HMGCLL1: variants seen among roughly 807,000 people sequenced by gnomAD.
HMGCLL1 encodes 3-hydroxymethyl-3-methylglutaryl-CoA lyase, cytoplasmic.
A neutral mutation model predicts 39.1 loss-of-function variants in HMGCLL1; 36 were observed. That is an observed-to-expected ratio of 0.92 (90% CI 0.71 to 1.22). The LOEUF (loss-of-function observed/expected upper bound fraction) is 1.22, where lower values mean the gene tolerates loss of function less well. HMGCLL1 is among the 50% of genes most tolerant of loss of function. The pLI is 0.00. For synonymous variants in HMGCLL1, 149 were observed against 144.0 expected (o/e 1.03, Z -0.25); for missense variants, 451 against 416.5 (o/e 1.08, Z -0.72).
the HMGCLL1 span, among the ~76,000 whole-genome samples, chr6:55,629,229 A>G: frequency 1.3e-4 from 20 of 152,194 alleles, no homozygotes; most frequent in Non-Finnish European, 2.8e-4. Context: ...GATGGAGATA[A>G]GAAACTTGTT....
chr6:55,662,874 A>G, the HMGCLL1 span, among the ~76,000 whole-genome samples: 2 of 151,638 alleles, frequency 1.3e-5, no homozygotes, highest in Non-Finnish European at 2.9e-5. Context: ...AGAGCTAATT[A>G]TTGCTCTATT....
At chr6:55,620,620 G>A in the HMGCLL1 span, among the ~76,000 whole-genome samples, 1 of 148,234 alleles carries the variant, frequency 6.7e-6, no homozygotes, top group Admixed American at 6.8e-5. Flanking sequence ...TGTGCTTTTG[G>A]GGTGTTACAC....
chr6:55,629,771 C>A, the HMGCLL1 span, among the ~76,000 whole-genome samples: 2 of 152,148 alleles, frequency 1.3e-5, no homozygotes, highest in Admixed American at 1.3e-4. Context: ...CAGGCCATGT[C>A]TTCAGAGGAT....
At chr6:55,644,706 G>T in the HMGCLL1 span, among the ~76,000 whole-genome samples, 1 of 152,106 alleles carries the variant, frequency 6.6e-6, no homozygotes, top group South Asian at 2.1e-4. Flanking sequence ...TGAGTTCACT[G>T]TAGCTTTGTG....
chr6:55,527,918 A>G (rs1015529862), intron 3 of HMGCLL1, among the ~76,000 whole-genome samples: 2 of 152,030 alleles, frequency 1.3e-5, no homozygotes, highest in Admixed American at 1.3e-4. Context: ...TTATTGGTAC[A>G]TCCATAAGAT....
rs1769436178 is a variant in HMGCLL1 at position 55,541,595 on chromosome 6, C to T, written c.297+134G>A. The T allele has an allele frequency of 5.4e-6, 3 of 558,656 alleles. No individual in the cohort carries two copies. In the East Asian group the frequency reaches 9.2e-5, roughly 17 times the overall value. 34.6% of individuals were successfully genotyped at this position (558,656 alleles called of 1,614,324 possible). A position where few individuals can be genotyped will look rare whatever the true frequency, so the allele number is the denominator to read the frequency against. On this transcript the variant is annotated intron_variant, in intron 3 of 8. Coordinates refer to ENST00000274901, the MANE Select transcript of HMGCLL1 (RefSeq NM_001042406.2). The stretch of plus-strand genomic sequence containing the variant: ...TCAAAGGGTTTTTATTTAATCATAT[C>T]ACAGTCCACAGGTTAATATTTTGAA...
chr6:55,578,803 GC>G (rs1771886630), intron 1 of HMGCLL1, 144 bp downstream of exon 1: 1 of 653,796 alleles, frequency 1.5e-6, no homozygotes. Context: ...AAGGGGTGCG[GC>G]CTAACACGAC....
upstream of HMGCLL1, among the ~76,000 whole-genome samples, chr6:55,582,469 C>CT (rs1164720040): frequency 6.6e-6 from 1 of 152,082 alleles, no homozygotes; most frequent in African/African-American, 2.4e-5. Flanking sequence ...CCCATAACCT[C>CT]TGGGGGTGGG....
At chr6:55,630,093 C>A in the HMGCLL1 span, among the ~76,000 whole-genome samples, 7 of 152,124 alleles carry the variant, frequency 4.6e-5, no homozygotes, top group African/African-American at 1.7e-4. Context: ...CACCATGCAC[C>A]TGGAAAAGCT....
At chr6:55,621,399 A>G in the HMGCLL1 span, among the ~76,000 whole-genome samples, 1 of 152,018 alleles carries the variant, frequency 6.6e-6, no homozygotes, top group Non-Finnish European at 1.5e-5. Flanking sequence ...GTGGTGGGTG[A>G]GTGAGCAAAG....
chr6:55,566,637 TAG>T (rs1561967187), intron 1 of HMGCLL1: 2 of 456,046 alleles, frequency 4.4e-6, no homozygotes, highest in Admixed American at 4.7e-5. Flanking sequence ...TCCTGTAAAA[TAG>T]AGTCATGTGA....
At chr6:55,585,245 A>G in the HMGCLL1 span, among the ~76,000 whole-genome samples, 1 of 152,072 alleles carries the variant, frequency 6.6e-6, no homozygotes, top group Admixed American at 6.6e-5. Flanking sequence ...CATAAACCAC[A>G]TTTATCCAGA....
chr6:55,662,826 G>A, the HMGCLL1 span, among the ~76,000 whole-genome samples: 1 of 151,006 alleles, frequency 6.6e-6, no homozygotes, highest in African/African-American at 2.4e-5. Flanking sequence ...TTTTGTTGTT[G>A]TTGTTTTTGG....
At chr6:55,638,504 A>C in the HMGCLL1 span, among the ~76,000 whole-genome samples, 1 of 152,174 alleles carries the variant, frequency 6.6e-6, no homozygotes, top group African/African-American at 2.4e-5. Context: ...CAAATGACAA[A>C]AGCTTAGTTT....
the HMGCLL1 span, among the ~76,000 whole-genome samples, chr6:55,649,964 T>C: frequency 6.7e-6 from 1 of 149,436 alleles, no homozygotes; most frequent in Non-Finnish European, 1.5e-5. Flanking sequence ...TTTGTTAAAT[T>C]TATCTGATAT....
chr6:55,618,962 T>C, the HMGCLL1 span, among the ~76,000 whole-genome samples: 1 of 152,064 alleles, frequency 6.6e-6, no homozygotes. Context: ...TCATGCAACT[T>C]TTCTTAGGAA....
At chr6:55,602,653 A>G in the HMGCLL1 span, among the ~76,000 whole-genome samples, 1 of 152,006 alleles carries the variant, frequency 6.6e-6, no homozygotes, top group Non-Finnish European at 1.5e-5. Flanking sequence ...TTGGATAACA[A>G]AACAAATAAG....
intron 3 of HMGCLL1, among the ~76,000 whole-genome samples, chr6:55,517,460 T>C (rs1391107029): frequency 6.6e-6 from 1 of 151,998 alleles, no homozygotes; most frequent in African/African-American, 2.4e-5. Context: ...CAGTGGAAAG[T>C]ATACAAAATG....
the HMGCLL1 span, among the ~76,000 whole-genome samples, chr6:55,669,418 A>T: frequency 6.6e-6 from 1 of 151,892 alleles, no homozygotes. Context: ...TCTCCATGAG[A>T]TTTAAACAAG....
Sources: allele counts gnomAD v4.1 joint callset (sites outside exome capture counted in the v4.1 genomes callset), GRCh38; gene constraint gnomAD v4.1.1; transcripts MANE v1.5; gene names NCBI Gene and HGNC (gene_info 2026-07-23, HGNC 2026-07-21).